The following TLN2 variants were observed in gnomAD, a reference collection of about 807,000 sequenced individuals.
The protein encoded by TLN2 is talin-2.
In TLN2, 118 loss-of-function variants were observed where a neutral mutation model predicts 294.7. The ratio of observed to expected loss-of-function variants is 0.40; its 90% confidence interval spans 0.34 to 0.47. TLN2 has a LOEUF of 0.47. Ranked by LOEUF, TLN2 falls within the 20% of genes least tolerant of loss-of-function variation. The probability of loss-of-function intolerance (pLI) is 0.84; values close to 1 mark genes in which losing one functional copy is unlikely to be tolerated. For synonymous variants in TLN2, 1,431 were observed against 1,304.5 expected (o/e 1.10, Z -2.09); for missense variants, 3,083 against 3,282.2 (o/e 0.94, Z 1.48).
chr15:62,783,979 G>C, intron 45 of TLN2, 89 bp downstream of exon 45: 4 of 1,581,136 alleles, frequency 2.5e-6, no homozygotes, highest in Middle Eastern at 1.9e-4. Flanking sequence ...CTCCACTCTG[G>C]AAGACCCCAG....
chr15:62,604,355 A>G lies in TLN2; in HGVS notation c.-161-13996A>G, dbSNP rs559487947. On this transcript the variant is annotated intron_variant, in intron 2 of 58. Coordinates refer to ENST00000636159, the MANE Select transcript of TLN2 (RefSeq NM_015059.3). ...ACAAAGTGAAACCCCATTTCTTAAAAACAAAAACAAACAAAAAATACCACA... is the reference window on the plus strand; with the variant it reads ...ACAAAGTGAAACCCCATTTCTTAAAGACAAAAACAAACAAAAAATACCACA... 4.1e-4 allele frequency among the ~76,000 whole-genome samples: 63 copies of G among 152,002 alleles called. No individual in the cohort carries two copies. The South Asian group carries it at 0.011, about 27-fold the overall frequency.
At chr15:62,418,909 A>T (rs556864766) in intron 1 of TLN2, among the ~76,000 whole-genome samples, 1 of 152,234 alleles carries the variant, frequency 6.6e-6, no homozygotes, top group Non-Finnish European at 1.5e-5. Flanking sequence ...CAGTTGCTTC[A>T]GGCCATCTGG....
intron 9 of TLN2, among the ~76,000 whole-genome samples, chr15:62,661,499 G>A (rs6494337): frequency 0.89 from 134,919 of 152,070 alleles, 61,817 homozygotes; most frequent in Non-Finnish European, 1. Flanking sequence ...AGAAATGCAG[G>A]TATGTTGACC....
rs562400576 is a variant in TLN2, at chr15:62,843,903, C to A, written c.*3293C>A. On this transcript the variant is annotated 3_prime_UTR_variant, in exon 59 of 59. Transcript: ENST00000636159. ...AGATAGTCCCCAGAATCTTCTCTCC[C>A]AGCTTTGAGGTTCTGGGCTCTGGAA... is the stretch of plus-strand genomic sequence containing the variant. 2.0e-5 allele frequency: 3 copies of A among 152,272 alleles called. No individual in the cohort carries two copies. Among genetic ancestry groups the A allele is most frequent in the East Asian group, 3.9e-4 (2 of 5,164 alleles). The allele number at this position is 152,272 out of a possible 1,614,324, so 9.4% of individuals were successfully genotyped here. A position where few individuals can be genotyped will look rare whatever the true frequency, so the allele number is the denominator to read the frequency against.
intron 2 of TLN2, among the ~76,000 whole-genome samples, chr15:62,609,709 G>A (rs2047755466): frequency 6.6e-6 from 1 of 152,174 alleles, no homozygotes; most frequent in South Asian, 2.1e-4. Flanking sequence ...ATGGTGCCCA[G>A]CTCCTCACTT....
chr15:62,452,342 A>G (rs772240288), intron 1 of TLN2, among the ~76,000 whole-genome samples: 3 of 152,204 alleles, frequency 2.0e-5, no homozygotes, highest in Non-Finnish European at 4.4e-5. Flanking sequence ...TTCTTAGTAG[A>G]TACCTATTCC....
chr15:62,707,245 T>A lies in TLN2; in HGVS notation c.2164T>A (p.Cys722Ser). The stretch of plus-strand genomic sequence containing the variant: ...CCTCTCCACCTCCCAGCTTGTGGCA[T>A]GTGCCAAGGTAAGCCAGCTGGCACC... Reference protein sequence around the residue: ...CALSTSQLVACAKVVSPTISS... With the variant: ...CALSTSQLVASAKVVSPTISS... The change falls in exon 20 of 59, where the codon TGT becomes AGT. Residue 722 changes from cysteine to serine, a missense_variant. By Grantham distance (112) the Cys-to-Ser change is moderately radical. Transcript: ENST00000636159. 6.2e-7 allele frequency: 1 copy of A among 1,608,836 alleles called. No individual in the cohort carries two copies. The highest frequency in any genetic ancestry group is 8.5e-7 in the Non-Finnish European group (1 of 1,176,188).
intron 48 of TLN2, among the ~76,000 whole-genome samples, chr15:62,799,441 C>G (rs1488719585): frequency 6.6e-6 from 1 of 152,222 alleles, no homozygotes; most frequent in Non-Finnish European, 1.5e-5. Flanking sequence ...GTACTTTTCA[C>G]TCTAAATCCG....
At chr15:62,522,616 G>T (rs2040517184) in intron 1 of TLN2, among the ~76,000 whole-genome samples, 1 of 152,016 alleles carries the variant, frequency 6.6e-6, no homozygotes, top group Non-Finnish European at 1.5e-5. Flanking sequence ...CCTTGTTGTT[G>T]TTTTTTTAAA....
At chr15:62,513,736 C>T (rs2040048119) in intron 1 of TLN2, among the ~76,000 whole-genome samples, 2 of 152,282 alleles carry the variant, frequency 1.3e-5, no homozygotes, top group South Asian at 4.1e-4. Flanking sequence ...AGATCCTTCT[C>T]TAGGTTTCAA....
chr15:62,821,637 A>C (rs1053148908), intron 54 of TLN2, among the ~76,000 whole-genome samples: 39 of 152,170 alleles, frequency 2.6e-4, no homozygotes, highest in Admixed American at 1.3e-4. Flanking sequence ...CAACCTCCTA[A>C]TAGTCGCTCT....
intron 26 of TLN2, among the ~76,000 whole-genome samples, chr15:62,722,973 C>T (rs1212054278): frequency 5.3e-5 from 8 of 152,168 alleles, no homozygotes; most frequent in Non-Finnish European, 1.2e-4. Context: ...TGCGTGGGAG[C>T]ATTCACCTTA....
intron 19 of TLN2, 135 bp downstream of exon 19, chr15:62,702,999 G>A: frequency 1.3e-6 from 1 of 773,758 alleles, no homozygotes; most frequent in South Asian, 2.0e-5. Context: ...GGATTATCTT[G>A]GGAGTGAGGT....
intron 1 of TLN2, among the ~76,000 whole-genome samples, chr15:62,503,983 T>TG (rs1164627128): frequency 1.3e-5 from 2 of 152,026 alleles, no homozygotes; most frequent in African/African-American, 4.8e-5. Flanking sequence ...ATCTGCCTGT[T>TG]TTTTCATCTG....
intron 20 of TLN2, 96 bp from the exon 21 acceptor site, chr15:62,708,406 C>A: frequency 7.5e-7 from 1 of 1,326,950 alleles, no homozygotes. Flanking sequence ...AAACCGAGGC[C>A]CAGAGCAGGA....
At chr15:62,672,103 G>A (rs1262377750) in intron 9 of TLN2, among the ~76,000 whole-genome samples, 2 of 151,930 alleles carry the variant, frequency 1.3e-5, no homozygotes, top group African/African-American at 2.4e-5. Flanking sequence ...TTATTTTTTT[G>A]TCTTATAGCC....
At chr15:62,771,284 C>T in intron 42 of TLN2, 150 bp downstream of exon 42, 1 of 897,510 alleles carries the variant, frequency 1.1e-6, no homozygotes, top group Non-Finnish European at 1.6e-6. Flanking sequence ...ATCTATTGGC[C>T]TTCCCAAGGT....
intron 1 of TLN2, among the ~76,000 whole-genome samples, chr15:62,468,661 C>T (rs374964950): frequency 2.0e-4 from 30 of 151,194 alleles, no homozygotes; most frequent in Middle Eastern, 3.4e-3. Flanking sequence ...AGGAGAATGG[C>T]GTGAACCCGG....
intron 2 of TLN2, among the ~76,000 whole-genome samples, chr15:62,611,338 C>T (rs923456651): frequency 1.3e-5 from 2 of 152,160 alleles, no homozygotes; most frequent in Admixed American, 6.5e-5. Context: ...TTTCTCTAGG[C>T]TCAGGTATGG....
Sources: allele counts gnomAD v4.1 joint callset (sites outside exome capture counted in the v4.1 genomes callset), GRCh38; gene constraint gnomAD v4.1.1; transcripts MANE v1.5; gene names NCBI Gene and HGNC (gene_info 2026-07-23, HGNC 2026-07-21).